SCD5: variants seen among roughly 807,000 people sequenced by gnomAD.
SCD5 encodes stearoyl-CoA desaturase 5.
A neutral mutation model predicts 30.4 loss-of-function variants in SCD5; 20 were observed. The ratio of observed to expected loss-of-function variants is 0.66; its 90% CI spans 0.46 to 0.96. The LOEUF (loss-of-function observed/expected upper bound fraction) is 0.96, where lower values mean the gene tolerates loss of function less well. Ranked by LOEUF, SCD5 falls within the 40% of genes least tolerant of loss-of-function variation. The pLI is 0.00. For missense variants in SCD5, 381 were observed against 443.3 expected (o/e 0.86, Z 1.26); for synonymous variants, 173 against 176.4 (o/e 0.98, Z 0.16).
At chr4:82,665,569 C>T (rs1728168076) in intron 3 of SCD5, among the ~76,000 whole-genome samples, 1 of 151,890 alleles carries the variant, frequency 6.6e-6, no homozygotes, top group Non-Finnish European at 1.5e-5. Flanking sequence ...AGAGAAAAAA[C>T]CTGACAACTC....
chr4:82,713,202 A>G (rs1421140456), intron 1 of SCD5, among the ~76,000 whole-genome samples: 1 of 152,192 alleles, frequency 6.6e-6, no homozygotes, highest in Non-Finnish European at 1.5e-5. Context: ...GAGAGAGGAT[A>G]CATTTCATGC....
chr4:82,723,448 C>A (rs1329508789), intron 1 of SCD5, among the ~76,000 whole-genome samples: 1 of 152,138 alleles, frequency 6.6e-6, no homozygotes, highest in Non-Finnish European at 1.5e-5. Context: ...AATGAACATG[C>A]ATTTCAATTG....
chr4:82,647,529 C>A (rs757179847), intron 3 of SCD5, among the ~76,000 whole-genome samples: 8 of 152,176 alleles, frequency 5.3e-5, no homozygotes, highest in Admixed American at 1.3e-4. Flanking sequence ...AACACAGCTT[C>A]TTCATTTCTC....
Position 82,654,737 on chromosome 4 carries a change from T to C in SCD5, c.570-17914A>G, listed in dbSNP as rs574463372. ...TCTGCAACTTGTCTGGTCAATGTGA[T>C]ACTTCCCGCTGTTAGCCTAGGATAC... On this transcript the variant is annotated intron_variant, in intron 3 of 4. Transcript: ENST00000319540. 2.6e-5 allele frequency among the ~76,000 whole-genome samples: 4 copies of C among 152,268 alleles called. No homozygotes were observed. The East Asian group carries it at 7.7e-4, about 29-fold the overall frequency.
chr4:82,764,115 G>T (rs192296059), intron 1 of SCD5, among the ~76,000 whole-genome samples: 4 of 152,086 alleles, frequency 2.6e-5, no homozygotes, highest in Admixed American at 2.0e-4. Context: ...TTTTAACTGG[G>T]GTATTAGAAC....
intron 1 of SCD5, among the ~76,000 whole-genome samples, chr4:82,790,244 G>A (rs1032901840): frequency 1.3e-4 from 20 of 152,100 alleles, no homozygotes; most frequent in African/African-American, 4.1e-4. Context: ...TATGTGCGAC[G>A]GGCTGAGAGG....
At chr4:82,708,411 A>G (rs2148828332) in intron 1 of SCD5, among the ~76,000 whole-genome samples, 1 of 152,314 alleles carries the variant, frequency 6.6e-6, no homozygotes, top group Non-Finnish European at 1.5e-5. Context: ...CCACCCCTAG[A>G]TACTTGCCAC....
intron 3 of SCD5, among the ~76,000 whole-genome samples, chr4:82,662,857 CA>C (rs11340677): frequency 0.26 from 18,881 of 72,910 alleles, 772 homozygotes; most frequent in East Asian, 0.42. Flanking sequence ...AACTCCGTCT[CA>C]AAAAAAAAAA....
chr4:82,731,866 C>A (rs1244507093), intron 1 of SCD5, among the ~76,000 whole-genome samples: 1 of 152,180 alleles, frequency 6.6e-6, no homozygotes, highest in Non-Finnish European at 1.5e-5. Flanking sequence ...GGAACTCCTA[C>A]TTTTCTCTCA....
chr4:82,739,316 C>T (rs1045028658), intron 1 of SCD5, among the ~76,000 whole-genome samples: 7 of 152,212 alleles, frequency 4.6e-5, no homozygotes, highest in Admixed American at 6.5e-5. Flanking sequence ...GCTCCATTTC[C>T]ACCACAAACT....
Position 82,679,237 on chromosome 4 carries a change from A to AG in SCD5, c.569+1469_569+1470insC, listed in dbSNP as rs1170241091. On this transcript the variant is annotated intron_variant, in intron 3 of 4. Coordinates refer to ENST00000319540, the MANE Select transcript of SCD5 (RefSeq NM_001037582.3). ...AAAGAAAGAAAAGAAAGAAAGAAAGAAAGAAAGAAAGAAAGAAAGAAAGAA... is the reference window on the plus strand; with the variant it reads ...AAAGAAAGAAAAGAAAGAAAGAAAGAGAAGAAAGAAAGAAAGAAAGAAAGAA... Among the ~76,000 whole-genome samples the AG allele has an allele frequency of 4.8e-4, 50 of 103,258 alleles. 1 individual carries two copies. The highest frequency in any genetic ancestry group is 1.3e-3 in the African/African-American group (35 of 27,668). 67.7% of individuals were successfully genotyped at this position (103,258 alleles called of 152,430 possible).
At chr4:82,689,291 G>A (rs546713642) in intron 2 of SCD5, among the ~76,000 whole-genome samples, 7 of 152,256 alleles carry the variant, frequency 4.6e-5, no homozygotes, top group Admixed American at 2.6e-4. Context: ...CACGTGTGGT[G>A]GTGTGCATCT....
intron 1 of SCD5, among the ~76,000 whole-genome samples, chr4:82,707,509 T>C (rs1297215823): frequency 1.3e-5 from 2 of 152,150 alleles, no homozygotes; most frequent in Non-Finnish European, 2.9e-5. Flanking sequence ...ATTAGTAACT[T>C]GCTTCTAACC....
intron 1 of SCD5, among the ~76,000 whole-genome samples, chr4:82,782,249 A>T (rs770263575): frequency 6.6e-6 from 1 of 151,922 alleles, no homozygotes; most frequent in African/African-American, 2.4e-5. Context: ...GTCTCCAGAG[A>T]TAAGAAGGGA....
At chr4:82,777,305 C>A (rs1034379536) in intron 1 of SCD5, among the ~76,000 whole-genome samples, 1 of 152,220 alleles carries the variant, frequency 6.6e-6, no homozygotes, top group Middle Eastern at 3.2e-3. Flanking sequence ...CCCTTCCCAA[C>A]CCTGGAATGT....
chr4:82,793,585 AC>A (rs1408855779), intron 1 of SCD5, among the ~76,000 whole-genome samples: 1 of 152,304 alleles, frequency 6.6e-6, no homozygotes, highest in East Asian at 1.9e-4. Context: ...CTGCCGGAAG[AC>A]TTTTTTTTCT....
At chr4:82,694,441 C>A (rs1192177551) in intron 2 of SCD5, among the ~76,000 whole-genome samples, 1 of 152,202 alleles carries the variant, frequency 6.6e-6, no homozygotes, top group East Asian at 1.9e-4. Context: ...GTTTCCACCT[C>A]CTGAGTTTTC....
At chr4:82,743,921 G>A (rs1720933505) in intron 1 of SCD5, among the ~76,000 whole-genome samples, 2 of 151,750 alleles carry the variant, frequency 1.3e-5, no homozygotes, top group Non-Finnish European at 2.9e-5. Flanking sequence ...ACCCTCCCAG[G>A]TTCAAGCCAT....
At chr4:82,707,269 A>AT (rs1357905650) in intron 1 of SCD5, among the ~76,000 whole-genome samples, 21 of 152,390 alleles carry the variant, frequency 1.4e-4, no homozygotes, top group African/African-American at 4.6e-4. Flanking sequence ...GAATCACAAA[A>AT]TGACAGAATT....
Sources: allele counts gnomAD v4.1 joint callset (sites outside exome capture counted in the v4.1 genomes callset), GRCh38; gene constraint gnomAD v4.1.1; transcripts MANE v1.5; gene names NCBI Gene and HGNC (gene_info 2026-07-23, HGNC 2026-07-21).